The following LUZP2 variants were observed in gnomAD, a reference collection of about 807,000 sequenced individuals.
The protein encoded by LUZP2 is leucine zipper protein 2.
A neutral mutation model predicts 51.6 loss-of-function variants in LUZP2; 52 were observed. The ratio of observed to expected loss-of-function variants is 1.01; its 90% CI spans 0.81 to 1.27. LUZP2 has a LOEUF of 1.27. Ranked by LOEUF, LUZP2 falls within the 50% of genes most tolerant of loss-of-function variation. The probability of loss-of-function intolerance (pLI) is 0.00; values close to 1 mark genes in which losing one functional copy is unlikely to be tolerated. For missense variants in LUZP2, 436 were observed against 395.4 expected, an observed-to-expected ratio of 1.10 and a Z score of -0.87; for synonymous variants, 154 against 137.3, an observed-to-expected ratio of 1.12 and a Z score of -0.85.
At chr11:24,824,137 G>A (rs530119746) in intron 5 of LUZP2, among the ~76,000 whole-genome samples, 1 of 151,814 alleles carries the variant, frequency 6.6e-6, no homozygotes, top group Non-Finnish European at 1.5e-5. Context: ...GCCGAGGCAG[G>A]CGGATCACCT....
chr11:25,073,131 G>T (rs575194131), intron 10 of LUZP2, among the ~76,000 whole-genome samples: 1 of 152,200 alleles, frequency 6.6e-6, no homozygotes, highest in African/African-American at 2.4e-5. Flanking sequence ...TAATTAAATT[G>T]TGACAGGTTC....
intron 5 of LUZP2, among the ~76,000 whole-genome samples, chr11:24,866,954 G>A (rs189900205): frequency 6.6e-5 from 10 of 152,204 alleles, no homozygotes; most frequent in African/African-American, 2.4e-4. Context: ...GGTAAGCAGC[G>A]GCTGCTAACG....
intron 5 of LUZP2, among the ~76,000 whole-genome samples, chr11:24,861,089 A>G (rs1489296619): frequency 1.3e-5 from 2 of 152,142 alleles, no homozygotes; most frequent in Non-Finnish European, 2.9e-5. Context: ...GCTAACTAGA[A>G]TAACTAGAGA....
intron 1 of LUZP2, among the ~76,000 whole-genome samples, chr11:24,672,266 T>C (rs1032827284): frequency 2.0e-5 from 3 of 152,162 alleles, no homozygotes; most frequent in Admixed American, 2.0e-4. Context: ...TGACCAGTAT[T>C]GTAAAATTAG....
intron 10 of LUZP2, among the ~76,000 whole-genome samples, chr11:25,061,623 G>A (rs1348768573): frequency 1.3e-5 from 2 of 152,052 alleles, no homozygotes; most frequent in South Asian, 2.1e-4. Context: ...ATTAGGTTGA[G>A]TTTTACTTAA....
chr11:24,564,967 A>G (rs761053509), intron 1 of LUZP2, among the ~76,000 whole-genome samples: 5 of 152,306 alleles, frequency 3.3e-5, no homozygotes, highest in Non-Finnish European at 5.9e-5. Context: ...TACTAAAACC[A>G]TCTACTTTAG....
At chr11:24,991,234 C>G (rs1856324883) in intron 9 of LUZP2, among the ~76,000 whole-genome samples, 1 of 151,808 alleles carries the variant, frequency 6.6e-6, no homozygotes, top group African/African-American at 2.4e-5. Context: ...GTTTTCCATT[C>G]CTGAGTTACT....
chr11:24,975,431 T>G (rs1413969467), intron 7 of LUZP2, among the ~76,000 whole-genome samples: 1 of 152,064 alleles, frequency 6.6e-6, no homozygotes, highest in Non-Finnish European at 1.5e-5. Flanking sequence ...GAGAAAGTAT[T>G]TGTTGTTGCT....
At chr11:24,549,920 GA>G (rs1851675893) in intron 1 of LUZP2, among the ~76,000 whole-genome samples, 1 of 152,014 alleles carries the variant, frequency 6.6e-6, no homozygotes, top group Non-Finnish European at 1.5e-5. Context: ...CTGCTCTTTA[GA>G]ATGGAGGAAT....
chr11:25,000,036 G>A (rs972024198), intron 9 of LUZP2, among the ~76,000 whole-genome samples: 15 of 152,134 alleles, frequency 9.9e-5, no homozygotes, highest in African/African-American at 3.6e-4. Flanking sequence ...CCATTTTACA[G>A]AGCACTGATT....
chr11:25,041,268 G>A (rs1488645805), intron 9 of LUZP2, among the ~76,000 whole-genome samples: 1 of 151,602 alleles, frequency 6.6e-6, no homozygotes. Flanking sequence ...TATAAATTAG[G>A]CACAGTAAGA....
intron 1 of LUZP2, among the ~76,000 whole-genome samples, chr11:24,617,416 A>C (rs1854326023): frequency 6.6e-6 from 1 of 152,158 alleles, no homozygotes; most frequent in Non-Finnish European, 1.5e-5. Context: ...CTTCTTTAAA[A>C]TCTTTGTGAG....
In LUZP2 at chr11:24,732,195, C is replaced by T. The variant is rs940079231; in HGVS notation, c.251+7C>T. 3 of 1,593,432 alleles carry T rather than the reference C, an allele frequency of 1.9e-6. No homozygotes were observed. In the African/African-American group the frequency reaches 4.1e-5, roughly 22 times the overall value. On this transcript the variant is annotated splice_region_variant and intron_variant, in intron 3 of 11. Transcript: ENST00000336930. ...AATTAGGACAGAAACAAAGGTAAGA[C>T]TTTTCTTTTTTTCTTAGTTATTTCT...
intron 1 of LUZP2, among the ~76,000 whole-genome samples, chr11:24,688,803 G>A (rs916172149): frequency 1.3e-5 from 2 of 152,108 alleles, no homozygotes; most frequent in African/African-American, 4.8e-5. Flanking sequence ...TCTCTCACGT[G>A]TCATCATACC....
intron 1 of LUZP2, among the ~76,000 whole-genome samples, chr11:24,549,144 A>T (rs934571595): frequency 6.6e-6 from 1 of 152,040 alleles, no homozygotes; most frequent in Non-Finnish European, 1.5e-5. Flanking sequence ...GTACAGCTGT[A>T]CAGAAATTTT....
At chr11:24,786,922 T>C (rs1292598560) in intron 5 of LUZP2, among the ~76,000 whole-genome samples, 1 of 151,984 alleles carries the variant, frequency 6.6e-6, no homozygotes, top group East Asian at 1.9e-4. Context: ...GTAGGTATTG[T>C]ACACTTGAAA....
rs72872425 is a variant in LUZP2, at chr11:24,842,922, A to T, written c.397-63069A>T. On this transcript the variant is annotated intron_variant, in intron 5 of 11. Transcript: ENST00000336930. ...TAAGCAAAGAAGTAATAGAGAAAAA[A>T]ATAAATTGTTGAAACAGAAAGCAAG... Among the ~76,000 whole-genome samples the T allele has an allele frequency of 2.3e-3, 342 of 151,992 alleles. 2 individuals are homozygous for T. Among genetic ancestry groups the T allele is most frequent in the African/African-American group, 7.9e-3 (327 of 41,552 alleles).
intron 5 of LUZP2, among the ~76,000 whole-genome samples, chr11:24,774,109 G>C (rs908956099): frequency 6.6e-6 from 1 of 151,838 alleles, no homozygotes; most frequent in Non-Finnish European, 1.5e-5. Flanking sequence ...CTAATCAGCT[G>C]CCAGTACAGC....
intron 1 of LUZP2, among the ~76,000 whole-genome samples, chr11:24,600,310 C>A (rs1853584026): frequency 6.6e-6 from 1 of 151,906 alleles, no homozygotes; most frequent in African/African-American, 2.4e-5. Context: ...TATACAGCTG[C>A]AAGATGAGAA....
Sources: allele counts gnomAD v4.1 joint callset (sites outside exome capture counted in the v4.1 genomes callset), GRCh38; gene constraint gnomAD v4.1.1; transcripts MANE v1.5; gene names NCBI Gene and HGNC (gene_info 2026-07-23, HGNC 2026-07-21).